The following RNF166 variants were observed in gnomAD, a reference collection of about 807,000 sequenced individuals.
RNF166 encodes the protein ring finger protein 166.
RNF166 carries 19 observed loss-of-function variants against 29.4 expected under a neutral mutation model. That is an observed-to-expected ratio of 0.65 (90% CI 0.45 to 0.95). The LOEUF is 0.95. RNF166 is among the 40% of genes least tolerant of loss of function. The pLI, the probability that RNF166 is intolerant of heterozygous loss-of-function variation, is 0.00. For synonymous variants in RNF166, 171 were observed against 134.5 expected, an observed-to-expected ratio of 1.27 and a Z score of -1.88; for missense variants, 347 against 322.1, an observed-to-expected ratio of 1.08 and a Z score of -0.59.
rs1359879985 is a variant in RNF166, at chr16:88,702,504, C to G, written c.156-1086G>C. Among the ~76,000 whole-genome samples the G allele has an allele frequency of 5.9e-5, 9 of 152,334 alleles. No individual in the cohort carries two copies. The East Asian group carries it at 7.7e-4, about 13-fold the overall frequency. On this transcript the variant is annotated intron_variant, in intron 1 of 5. Coordinates refer to ENST00000312838, the MANE Select transcript of RNF166 (RefSeq NM_178841.4). ...TCAGGGCCAGAGTCCTCTTTGCTGT[C>G]AAGAGATTTCCACATCCCTCAAGAA...
At chr16:88,700,073 T>C (rs1438649333) in intron 2 of RNF166, 1 of 180,466 alleles carries the variant, frequency 5.5e-6, no homozygotes, top group Non-Finnish European at 1.2e-5. Flanking sequence ...CACTCAGAAA[T>C]GCCCCAGGCT....
chr16:88,704,990 CAAA>C (rs796619927), intron 1 of RNF166, among the ~76,000 whole-genome samples: 5 of 151,306 alleles, frequency 3.3e-5, no homozygotes, highest in African/African-American at 1.2e-4. Context: ...GACTCTGTCT[CAAA>C]AAAAAATATT....
intron 1 of RNF166, among the ~76,000 whole-genome samples, chr16:88,705,476 G>C (rs1435181378): frequency 6.6e-6 from 1 of 152,222 alleles, no homozygotes; most frequent in South Asian, 2.1e-4. Flanking sequence ...GAATACTTGA[G>C]CACAGCTCCC....
At chr16:88,700,085 G>A (rs1166380597) in intron 2 of RNF166, 2 of 174,952 alleles carry the variant, frequency 1.1e-5, no homozygotes, top group South Asian at 2.1e-4. Context: ...CCCCAGGCTG[G>A]GGACAGACGC....
chr16:88,705,277 G>C (rs987791282), intron 1 of RNF166, among the ~76,000 whole-genome samples: 1 of 152,204 alleles, frequency 6.6e-6, no homozygotes, highest in African/African-American at 2.4e-5. Context: ...AAATGTTCTA[G>C]AGCCTCCTAC....
At position 88,697,627 on chromosome 16, in the gene RNF166, T is replaced by C. The variant is rs775778938; in HGVS notation, c.655A>G (p.Ser219Gly). ...KFSYDTFVDY[S>G]IDEEAAFQAA... Reference sequence around the variant, plus strand: ...TGGAAGGCGGCCTCCTCGTCAATACTGTAGTCCTGGAGACAGGAAGGAGAG... The same window carrying C: ...TGGAAGGCGGCCTCCTCGTCAATACCGTAGTCCTGGAGACAGGAAGGAGAG... Residue 219 changes from serine (S) to glycine (G), a missense_variant, in exon 6 of 6, where the codon AGT becomes GGT. By Grantham distance (56) the Ser-to-Gly change is moderately conservative. Coordinates refer to ENST00000312838, the MANE Select transcript of RNF166 (RefSeq NM_178841.4). 2.6e-6 allele frequency: 4 copies of C among 1,551,382 alleles called. No homozygotes were observed. The highest frequency in any genetic ancestry group is 3.5e-6 in the Non-Finnish European group (4 of 1,147,128).
intron 1 of RNF166, 53 bp from the exon 2 acceptor site, chr16:88,701,471 G>T: frequency 6.7e-7 from 1 of 1,483,168 alleles, no homozygotes; most frequent in Non-Finnish European, 9.0e-7. Flanking sequence ...CTCCCGAACC[G>T]CAGGCCTTGC....
chr16:88,701,239 G>C, intron 2 of RNF166, 23 bp downstream of exon 2: 1 of 1,613,218 alleles, frequency 6.2e-7, no homozygotes, highest in Non-Finnish European at 8.5e-7. Context: ...CCCGGCTCCA[G>C]GGCGGCCCAA....
chr16:88,703,031 C>G (rs544107859), intron 1 of RNF166: 7 of 985,242 alleles, frequency 7.1e-6, no homozygotes, highest in Admixed American at 6.2e-5. Flanking sequence ...AAAGGGCGTT[C>G]GGCCGGGAAG....
At position 88,706,360 on chromosome 16, in the gene RNF166, G is replaced by A; in HGVS notation, c.-35C>T. 1 of 1,220,818 alleles carries A rather than the reference G, an allele frequency of 8.2e-7. No homozygotes were observed. The highest frequency in any genetic ancestry group is 1.0e-6 in the Non-Finnish European group (1 of 980,380). 75.6% of individuals were successfully genotyped at this position (1,220,818 alleles called of 1,614,324 possible). A position where few individuals can be genotyped will look rare whatever the true frequency, so the allele number is the denominator to read the frequency against. On this transcript the variant is annotated 5_prime_UTR_variant, in exon 1 of 6. Transcript: ENST00000312838. ...AGGCCCGCGCCGCCCGCCGCCCGCTGTCCTGGCCCGGGCCGGCCCGCTAGT... is the reference window on the plus strand; with the variant it reads ...AGGCCCGCGCCGCCCGCCGCCCGCTATCCTGGCCCGGGCCGGCCCGCTAGT...
At chr16:88,705,719 A>G (rs983392272) in intron 1 of RNF166, among the ~76,000 whole-genome samples, 7 of 152,276 alleles carry the variant, frequency 4.6e-5, no homozygotes, top group Admixed American at 4.6e-4. Flanking sequence ...TTTCCTCTGT[A>G]GTCAAAACAG....
Position 88,697,017 on chromosome 16 carries a change from G to A in RNF166, c.*551C>T, listed in dbSNP as rs753635873. 3.7e-5 allele frequency: 7 copies of A among 189,766 alleles called. No individual in the cohort carries two copies. Among genetic ancestry groups the A allele is most frequent in the Non-Finnish European group, 7.7e-5 (7 of 90,602 alleles). 11.8% of individuals were successfully genotyped at this position (189,766 alleles called of 1,614,324 possible). ...ATACTATTATTCCTAGTCAAACACA[G>A]ATATTGCAATATGAAGAGTAACTGC... On this transcript the variant is annotated 3_prime_UTR_variant, in exon 6 of 6. Coordinates refer to ENST00000312838, the MANE Select transcript of RNF166 (RefSeq NM_178841.4).
In RNF166 at chr16:88,701,255, C is replaced by T. The variant is rs762435933; in HGVS notation, c.312+7G>A. The T allele has an allele frequency of 1.7e-5, 28 of 1,613,420 alleles. No homozygotes were observed. The highest frequency in any genetic ancestry group is 8.8e-5 in the South Asian group (8 of 91,086). On this transcript the variant is annotated splice_region_variant and intron_variant, in intron 2 of 5. Coordinates refer to ENST00000312838, the MANE Select transcript of RNF166 (RefSeq NM_178841.4). The stretch of plus-strand genomic sequence containing the variant: ...CCGGCTCCAGGGCGGCCCAAGCAGG[C>T]GGGTACCTTTTTGTTGCAGCCTCGA...
At chr16:88,704,209 A>G (rs905587496) in intron 1 of RNF166, 36 of 985,448 alleles carry the variant, frequency 3.7e-5, no homozygotes, top group Non-Finnish European at 4.3e-5. Context: ...GAGCCTTTAA[A>G]CTTTCTGTGG....
At chr16:88,704,050 C>T (rs1910530264) in intron 1 of RNF166, 1 of 985,486 alleles carries the variant, frequency 1.0e-6, no homozygotes, top group Non-Finnish European at 1.2e-6. Flanking sequence ...AGGGGGCCTC[C>T]TGCGCGAGGG....
At chr16:88,697,660 G>A (rs1380276236) in intron 5 of RNF166, 27 bp from the exon 6 acceptor site, 4 of 1,520,740 alleles carry the variant, frequency 2.6e-6, no homozygotes, top group South Asian at 2.4e-5. Flanking sequence ...GAGATGCACC[G>A]GGCTCGAGGG....
chr16:88,704,304 GAA>G, intron 1 of RNF166: 10 of 985,466 alleles, frequency 1.0e-5, no homozygotes, highest in Non-Finnish European at 1.2e-5. Flanking sequence ...AAGCCAGCAG[GAA>G]AAGTCGGGGA....
chr16:88,698,406 C>G lies in RNF166; in HGVS notation c.648+96G>C, dbSNP rs1234981344. ...ACGAGGCTTCTGTTTCTGGCTTCCT[C>G]TGAACCCTGCGGACCCTGAGGCTGG... On this transcript the variant is annotated intron_variant, in intron 5 of 5. Transcript: ENST00000312838. The G allele has an allele frequency of 1.0e-5, 10 of 986,482 alleles. No homozygotes were observed. The East Asian group carries it at 1.0e-4, about 10-fold the overall frequency. 61.1% of individuals were successfully genotyped at this position (986,482 alleles called of 1,614,324 possible).
In RNF166 at chr16:88,706,283, G is replaced by T. The variant is rs1910795215; in HGVS notation, c.43C>A (p.Gln15Lys). 2 of 1,295,218 alleles carry T rather than the reference G, an allele frequency of 1.5e-6. No homozygotes were observed. Among genetic ancestry groups the T allele is most frequent in the East Asian group, 6.9e-5 (2 of 28,926 alleles). The allele number at this position is 1,295,218 out of a possible 1,614,324, so 80.2% of individuals were successfully genotyped here. The change falls in exon 1 of 6, where the codon CAG becomes AAG. Residue 15 changes from glutamine (Q) to lysine (K), a missense_variant. Transcript: ENST00000312838. ...CCGCCCGCCGGCCCGGCCGGCGGCTGCCGCTGCTGAGCCGAGGCCACCAGG... is the reference window on the plus strand; with the variant it reads ...CCGCCCGCCGGCCCGGCCGGCGGCTTCCGCTGCTGAGCCGAGGCCACCAGG... The part of the protein sequence containing the change: ...RSLVASAQQR[Q>K]PPAGPAGGDS...
Sources: gnomAD v4.1 joint callset for allele counts (sites outside exome capture counted in the v4.1 genomes callset) on GRCh38, gnomAD v4.1.1 for gene constraint, MANE v1.5 for transcripts, NCBI Gene and HGNC (gene_info 2026-07-23, HGNC 2026-07-21) for gene names.